The following PEX7 variants were observed in gnomAD, a reference collection of about 807,000 sequenced individuals.
PEX7 encodes the protein PTS2 receptor.
Under a neutral mutation model 47.5 loss-of-function variants are expected in PEX7, and 34 were observed. The ratio of observed to expected loss-of-function variants is 0.72; its 90% CI spans 0.54 to 0.95. The LOEUF (loss-of-function observed/expected upper bound fraction) is 0.95. Among genes scored for constraint, PEX7 ranks in the 40% least tolerant of loss-of-function variants. PEX7 has a pLI of 0.00. For synonymous variants in PEX7, 141 were observed against 148.8 expected (o/e 0.95, Z 0.38); for missense variants, 394 against 400.3 (o/e 0.98, Z 0.13).
chr6:136,830,028 G>A, intron 3 of PEX7: 1 of 714,536 alleles, frequency 1.4e-6, no homozygotes, highest in Non-Finnish European at 2.6e-6. Context: ...AAGCTGTGTT[G>A]TGAAATAGAA....
intron 8 of PEX7, among the ~76,000 whole-genome samples, chr6:136,880,605 C>G (rs1390171428): frequency 1.3e-5 from 2 of 152,084 alleles, no homozygotes; most frequent in Non-Finnish European, 2.9e-5. Flanking sequence ...TGTGGAAGAC[C>G]TGAGGTTTGT....
chr6:136,876,043 T>G (rs530987387), intron 8 of PEX7, among the ~76,000 whole-genome samples: 1 of 24,726 alleles, frequency 4.0e-5, no homozygotes, highest in Non-Finnish European at 9.1e-5. Flanking sequence ...TTTCATTAAA[T>G]TTTTTTTTTT....
intron 6 of PEX7, among the ~76,000 whole-genome samples, chr6:136,868,806 C>G (rs1417403351): frequency 6.6e-6 from 1 of 151,972 alleles, no homozygotes; most frequent in Admixed American, 6.6e-5. Flanking sequence ...GGACCCAGCA[C>G]TTGTCCTATT....
Position 136,822,703 on chromosome 6 carries a change from G to C in PEX7, c.38G>C (p.Arg13Pro), listed in dbSNP as rs1220044805. 1 of 1,517,666 alleles carries C rather than the reference G, an allele frequency of 6.6e-7. No individual in the cohort carries two copies. The allele number at this position is 1,517,666 out of a possible 1,614,324, so 94.0% of individuals were successfully genotyped here. ...AVCGGAARML[R>P]TPGRHGYAAE... is the part of the protein sequence containing the mutation. ...TGCGGTGGAGCGGCGCGGATGCTGC[G>C]GACGCCGGGACGCCACGGCTACGCC... The change falls in exon 1 of 10, where the codon CGG (arginine) becomes CCG (proline). Residue 13 changes from arginine to proline, a missense_variant. Transcript: ENST00000318471.
intron 5 of PEX7, among the ~76,000 whole-genome samples, chr6:136,858,018 G>A (rs1774892499): frequency 6.6e-6 from 1 of 152,068 alleles, no homozygotes; most frequent in African/African-American, 2.4e-5. Context: ...GTTTCACCAT[G>A]TTGCCCAGGC....
chr6:136,827,634 G>A (rs1182425805), intron 3 of PEX7, among the ~76,000 whole-genome samples: 2 of 151,568 alleles, frequency 1.3e-5, no homozygotes, highest in East Asian at 3.9e-4. Flanking sequence ...ATGGGCTCAA[G>A]CCATTCTCAT....
rs2068865 is a variant in PEX7, at chr6:136,869,738, C to T, written c.634-152C>T. 0.014 allele frequency: 10,602 copies of T among 738,054 alleles called. 851 individuals are homozygous for T. In the African/African-American group the frequency reaches 0.16, roughly 11 times the overall value. 45.7% of individuals were successfully genotyped at this position (738,054 alleles called of 1,614,324 possible). On this transcript the variant is annotated intron_variant, in intron 6 of 9. Transcript: ENST00000318471. Reference sequence around the variant, plus strand: ...TTTGCTATTAATGTCTATGTTGATTCCTGTCTATACTTGTTATACAACTTC... The same window carrying T: ...TTTGCTATTAATGTCTATGTTGATTTCTGTCTATACTTGTTATACAACTTC...
chr6:136,823,035 T>G (rs1774112019), intron 1 of PEX7: 1 of 985,320 alleles, frequency 1.0e-6, no homozygotes, highest in African/African-American at 1.7e-5. Context: ...TGTAGCCTAG[T>G]AGCCCGTGTC....
rs191759269 is a variant in PEX7 at position 136,827,776 on chromosome 6, C to G, written c.339+1307C>G. ...TGAACTCCTGGGCTCACATGATCCA[C>G]CTGCCTTGGCCTCCCAAAGTGCTGG... On this transcript the variant is annotated intron_variant, in intron 3 of 9. Transcript: ENST00000318471. 2.0e-5 allele frequency among the ~76,000 whole-genome samples: 3 copies of G among 152,102 alleles called. No individual in the cohort carries two copies. In the East Asian group the frequency reaches 5.8e-4, roughly 29 times the overall value.
intron 5 of PEX7, among the ~76,000 whole-genome samples, chr6:136,846,917 A>T (rs1181854853): frequency 6.6e-6 from 1 of 152,176 alleles, no homozygotes; most frequent in Non-Finnish European, 1.5e-5. Flanking sequence ...GAATCGCCAC[A>T]CTGTCTTCCA....
intron 3 of PEX7, chr6:136,829,873 G>T (rs1462890721): frequency 1.6e-6 from 1 of 623,550 alleles, no homozygotes; most frequent in East Asian, 2.8e-5. Context: ...GGAGGTGGAG[G>T]TTGCAGTGAG....
At chr6:136,868,667 C>T (rs566416582) in intron 6 of PEX7, among the ~76,000 whole-genome samples, 3 of 151,802 alleles carry the variant, frequency 2.0e-5, no homozygotes, top group Non-Finnish European at 2.9e-5. Context: ...CCAACATAGT[C>T]AGACAATGTT....
At chr6:136,874,206 C>T (rs1179273464) in intron 8 of PEX7, among the ~76,000 whole-genome samples, 1 of 152,160 alleles carries the variant, frequency 6.6e-6, no homozygotes, top group Non-Finnish European at 1.5e-5. Context: ...GTCTTTGAAT[C>T]CTTTGTAGGA....
chr6:136,870,863 A>AT (rs1056487652), intron 7 of PEX7: 5 of 242,038 alleles, frequency 2.1e-5, no homozygotes, highest in Admixed American at 5.7e-5. Flanking sequence ...TGCCCGGCTA[A>AT]TTTTTTTGTA....
At chr6:136,865,732 C>T (rs368783805) in intron 5 of PEX7, among the ~76,000 whole-genome samples, 16 of 152,256 alleles carry the variant, frequency 1.1e-4, no homozygotes, top group East Asian at 3.9e-4. Flanking sequence ...GAGCTGAGAC[C>T]GTGCCTCCGC....
intron 3 of PEX7, among the ~76,000 whole-genome samples, chr6:136,833,451 G>A (rs1009024273): frequency 2.6e-5 from 4 of 152,156 alleles, no homozygotes; most frequent in Non-Finnish European, 4.4e-5. Context: ...TAAAACTAGT[G>A]TGTTTTCTTC....
At chr6:136,822,848 CA>C (rs1774105989) in intron 1 of PEX7, 53 bp downstream of exon 1, 13 of 1,234,274 alleles carry the variant, frequency 1.1e-5, no homozygotes, top group East Asian at 3.4e-5. Context: ...AGGCGGGGGC[CA>C]GCCGGGCTCC....
At chr6:136,841,955 G>C (rs1345124361) in intron 3 of PEX7, among the ~76,000 whole-genome samples, 2 of 146,584 alleles carry the variant, frequency 1.4e-5, no homozygotes, top group African/African-American at 2.5e-5. Context: ...CCTTTCCCAT[G>C]TCCTAATATT....
Position 136,869,899 on chromosome 6 carries a change from G to C in PEX7, c.643G>C (p.Val215Leu). ...DWCKYNENLLVTGAVDCSLRG... is the reference protein window; with the variant it reads ...DWCKYNENLLLTGAVDCSLRG... ...TCTGAATTGTTTTTAGAATTTGCTG[G>C]TGACCGGGGCGGTTGACTGTAGTTT... The change falls in exon 7 of 10, where the codon GTG (valine) becomes CTG (leucine). Residue 215 changes from valine to leucine, a missense_variant. Transcript: ENST00000318471. The C allele has an allele frequency of 6.2e-7, 1 of 1,613,494 alleles. No individual in the cohort carries two copies. The highest frequency in any genetic ancestry group is 8.5e-7 in the Non-Finnish European group (1 of 1,179,448).
Sources: gnomAD v4.1 joint callset for allele counts (sites outside exome capture counted in the v4.1 genomes callset) on GRCh38, gnomAD v4.1.1 for gene constraint, MANE v1.5 for transcripts, NCBI Gene and HGNC (gene_info 2026-07-23, HGNC 2026-07-21) for gene names.